The following NRXN3 variants were observed in gnomAD, a reference collection of about 807,000 sequenced individuals.
NRXN3 encodes the protein neurexin 3.
In NRXN3, 32 loss-of-function variants were observed where a neutral mutation model predicts 137.6. The observed-to-expected ratio is 0.23, with a 90% CI of 0.18 to 0.31. NRXN3 has a LOEUF of 0.31. Among genes scored for constraint, NRXN3 ranks in the 10% least tolerant of loss-of-function variants. NRXN3 has a pLI of 1.00. For synonymous variants in NRXN3, 798 were observed against 784.5 expected (o/e 1.02, Z -0.29); for missense variants, 1,574 against 2,062.5 (o/e 0.76, Z 4.59).
At chr14:78,893,225 T>C (rs376001769) in intron 10 of NRXN3, among the ~76,000 whole-genome samples, 14 of 151,992 alleles carry the variant, frequency 9.2e-5, no homozygotes, top group African/African-American at 2.7e-4. Flanking sequence ...GCAATTTTCA[T>C]TGTGCCTCCC....
chr14:79,221,642 C>A (rs1432011251), intron 15 of NRXN3, among the ~76,000 whole-genome samples: 2 of 151,974 alleles, frequency 1.3e-5, no homozygotes, highest in Non-Finnish European at 2.9e-5. Flanking sequence ...TTTGTAGATT[C>A]CGGATATTAG....
chr14:79,663,687 TA>T, intron 16 of NRXN3, 90 bp from the exon 17 acceptor site: 1 of 1,085,612 alleles, frequency 9.2e-7, no homozygotes, highest in Admixed American at 2.2e-5. Flanking sequence ...TCTGGGCACC[TA>T]CAGGTTTATT....
At chr14:79,241,309 G>A (rs1268773687) in intron 15 of NRXN3, among the ~76,000 whole-genome samples, 1 of 152,126 alleles carries the variant, frequency 6.6e-6, no homozygotes, top group Admixed American at 6.6e-5. Flanking sequence ...GGCTGTATTA[G>A]TCTGTTCTCA....
chr14:78,617,633 A>G (rs949921423), intron 4 of NRXN3, among the ~76,000 whole-genome samples: 2 of 152,026 alleles, frequency 1.3e-5, no homozygotes, highest in Non-Finnish European at 2.9e-5. Context: ...CAAACAAGGA[A>G]GAAGCTCTGG....
intron 19 of NRXN3, among the ~76,000 whole-genome samples, chr14:79,711,710 C>T (rs1169716034): frequency 1.3e-5 from 2 of 152,198 alleles, no homozygotes; most frequent in Non-Finnish European, 2.9e-5. Context: ...TGGCTGATGG[C>T]TGTTGGCTAA....
At chr14:79,161,077 T>C (rs2060724648) in intron 15 of NRXN3, among the ~76,000 whole-genome samples, 1 of 151,986 alleles carries the variant, frequency 6.6e-6, no homozygotes, top group Non-Finnish European at 1.5e-5. Context: ...CCTGGAATGC[T>C]TACTAAATGT....
intron 15 of NRXN3, among the ~76,000 whole-genome samples, chr14:79,358,570 AAAAAG>A (rs1351556622): frequency 6.8e-6 from 1 of 147,330 alleles, no homozygotes; most frequent in African/African-American, 2.5e-5. Context: ...AAAAAAAAAA[AAAAAG>A]AAAGAAAGAG....
intron 15 of NRXN3, among the ~76,000 whole-genome samples, chr14:79,185,758 G>T (rs4903836): frequency 6.6e-6 from 1 of 151,832 alleles, no homozygotes; most frequent in Non-Finnish European, 1.5e-5. Flanking sequence ...AGCCACCACC[G>T]TACCCGGCCC....
chr14:79,143,605 T>C (rs2059020541), intron 15 of NRXN3, among the ~76,000 whole-genome samples: 1 of 152,218 alleles, frequency 6.6e-6, no homozygotes, highest in African/African-American at 2.4e-5. Context: ...TGACAGAAGG[T>C]AGACTTTTGT....
chr14:78,213,534 G>T (rs2062950985), intron 1 of NRXN3, among the ~76,000 whole-genome samples: 1 of 152,196 alleles, frequency 6.6e-6, no homozygotes, highest in Non-Finnish European at 1.5e-5. Context: ...CTGATGGGAA[G>T]TCCCCAAGCA....
intron 4 of NRXN3, among the ~76,000 whole-genome samples, chr14:78,627,880 G>A (rs1490173876): frequency 1.3e-5 from 2 of 152,132 alleles, no homozygotes. Flanking sequence ...ACATGGCTAT[G>A]AAAACCAGTT....
At chr14:78,409,450 A>G (rs1244754509) in intron 4 of NRXN3, among the ~76,000 whole-genome samples, 1 of 152,198 alleles carries the variant, frequency 6.6e-6, no homozygotes, top group Non-Finnish European at 1.5e-5. Flanking sequence ...ACATGTACAG[A>G]CCACTGATGT....
chr14:78,889,587 C>A (rs1482102944), intron 10 of NRXN3, among the ~76,000 whole-genome samples: 2 of 151,956 alleles, frequency 1.3e-5, no homozygotes, highest in Admixed American at 1.3e-4. Context: ...ATTATATGTA[C>A]ATTTACTTAC....
intron 15 of NRXN3, among the ~76,000 whole-genome samples, chr14:79,457,147 C>A (rs760661954): frequency 6.6e-6 from 1 of 151,768 alleles, no homozygotes; most frequent in Non-Finnish European, 1.5e-5. Context: ...GAATCTTTTA[C>A]GGACATGACA....
At chr14:78,700,438 G>A (rs1457122373) in intron 6 of NRXN3, among the ~76,000 whole-genome samples, 1 of 152,196 alleles carries the variant, frequency 6.6e-6, no homozygotes, top group African/African-American at 2.4e-5. Flanking sequence ...CATCTGCTGG[G>A]AAAGGAGGGT....
At chr14:79,563,897 G>A (rs1485466702) in intron 16 of NRXN3, among the ~76,000 whole-genome samples, 1 of 151,914 alleles carries the variant, frequency 6.6e-6, no homozygotes, top group Non-Finnish European at 1.5e-5. Flanking sequence ...GGGTCTTATT[G>A]ACTTATCTTG....
chr14:79,410,372 G>A (rs1181635259), intron 15 of NRXN3, among the ~76,000 whole-genome samples: 2 of 151,814 alleles, frequency 1.3e-5, no homozygotes, highest in African/African-American at 4.8e-5. Context: ...AATCATCAAT[G>A]TATTATTTAT....
chr14:78,661,720 A>C (rs2097843254), intron 6 of NRXN3, among the ~76,000 whole-genome samples: 2 of 152,150 alleles, frequency 1.3e-5, no homozygotes, highest in South Asian at 4.1e-4. Context: ...GCCTAACTCT[A>C]CTCCCAGTAG....
chr14:79,320,242 A>C (rs2089738506), intron 15 of NRXN3, among the ~76,000 whole-genome samples: 1 of 152,260 alleles, frequency 6.6e-6, no homozygotes, highest in Non-Finnish European at 1.5e-5. Flanking sequence ...CTCACTGGTC[A>C]TTAAACATGC....
Sources: allele counts gnomAD v4.1 joint callset (sites outside exome capture counted in the v4.1 genomes callset), GRCh38; gene constraint gnomAD v4.1.1; transcripts MANE v1.5; gene names NCBI Gene and HGNC (gene_info 2026-07-23, HGNC 2026-07-21).